Variants in CPA6 observed in about 807,000 individuals in gnomAD.
CPA6 encodes carboxypeptidase B.
A neutral mutation model predicts 63.3 loss-of-function variants in CPA6; 58 were observed. The ratio of observed to expected loss-of-function variants is 0.92; its 90% CI spans 0.74 to 1.14. The LOEUF (loss-of-function observed/expected upper bound fraction) is 1.14. CPA6 is among the 50% of genes most tolerant of loss of function. The pLI is 0.00. For missense variants in CPA6, 565 were observed against 526.6 expected (o/e 1.07, Z -0.71); for synonymous variants, 185 against 179.0 (o/e 1.03, Z -0.27).
chr8:67,668,425 T>C (rs1364360382), intron 1 of CPA6, among the ~76,000 whole-genome samples: 1 of 152,268 alleles, frequency 6.6e-6, no homozygotes, highest in African/African-American at 2.4e-5. Context: ...TAGTGTGAAA[T>C]AGTTACTTCA....
chr8:67,713,954 A>G (rs1817326057), intron 1 of CPA6, among the ~76,000 whole-genome samples: 1 of 152,210 alleles, frequency 6.6e-6, no homozygotes, highest in South Asian at 2.1e-4. Flanking sequence ...GACTGTTAAA[A>G]GCCAGATATA....
intron 6 of CPA6, among the ~76,000 whole-genome samples, chr8:67,487,303 T>C (rs1354049707): frequency 6.6e-6 from 1 of 152,190 alleles, no homozygotes; most frequent in Non-Finnish European, 1.5e-5. Flanking sequence ...ACATGTGGTG[T>C]TTGGCTTTCT....
intron 2 of CPA6, among the ~76,000 whole-genome samples, chr8:67,540,102 C>A (rs9792146): frequency 0.31 from 46,937 of 151,736 alleles, 7,571 homozygotes; most frequent in South Asian, 0.4. Flanking sequence ...GAATTTTCAG[C>A]TTTTTTTGTG....
chr8:67,675,477 C>A (rs1816451005), intron 1 of CPA6, among the ~76,000 whole-genome samples: 1 of 152,142 alleles, frequency 6.6e-6, no homozygotes, highest in South Asian at 2.1e-4. Flanking sequence ...TCATTTCTTA[C>A]CACTCTGGTA....
chr8:67,631,045 C>T (rs77397016), intron 1 of CPA6, among the ~76,000 whole-genome samples: 6,721 of 152,306 alleles, frequency 0.044, 183 homozygotes, highest in South Asian at 0.11. Flanking sequence ...CCAACATGCG[C>T]GGCCCCCTAC....
rs117385669 is a variant in CPA6 at position 67,506,353 on chromosome 8, C to T, written c.636+434G>A. Among the ~76,000 whole-genome samples the T allele has an allele frequency of 9.4e-3, 1,435 of 152,258 alleles. 11 individuals are homozygous for T. Among genetic ancestry groups the T allele is most frequent in the Middle Eastern group, 0.017 (5 of 294 alleles). ...CCTATAGCAGGAGGGCACAAGCAAT[C>T]CCTTGTTCATCTCTTTATTGTTAGA... On this transcript the variant is annotated intron_variant, in intron 6 of 10. Transcript: ENST00000297770.
intron 2 of CPA6, among the ~76,000 whole-genome samples, chr8:67,596,092 C>G (rs1814326797): frequency 1.3e-5 from 2 of 152,184 alleles, no homozygotes. Context: ...GATGCTTTTT[C>G]TCAACAATCT....
rs760234221 is a variant in CPA6 at position 67,422,627 on chromosome 8, G to A, written c.1191C>T (p.Phe397=). 61 of 1,613,856 alleles carry A rather than the reference G, an allele frequency of 3.8e-5. No individual in the cohort carries two copies. Among genetic ancestry groups the A allele is most frequent in the East Asian group, 6.7e-5 (3 of 44,872 alleles). Residue 397 remains phenylalanine, a synonymous_variant, in exon 11 of 11, where the codon TTC becomes TTT. Coordinates refer to ENST00000297770, the MANE Select transcript of CPA6 (RefSeq NM_020361.5). ...CAAAATATCCAGTGTCACGTAGTTC[G>A]AAAGCAAATGCATAAGGTATTCCAT... ...YKNGIPYAFA[F]ELRDTGYFGF... is the part of the protein sequence containing the mutation.
chr8:67,587,942 T>G (rs1813991338), intron 2 of CPA6, among the ~76,000 whole-genome samples: 1 of 152,156 alleles, frequency 6.6e-6, no homozygotes, highest in African/African-American at 2.4e-5. Flanking sequence ...GCATAGCTAG[T>G]GCCATTGGTT....
intron 3 of CPA6, among the ~76,000 whole-genome samples, chr8:67,512,946 G>A (rs1052614458): frequency 6.6e-6 from 1 of 152,104 alleles, no homozygotes; most frequent in Non-Finnish European, 1.5e-5. Flanking sequence ...GTCATACTGG[G>A]TATAGGACAT....
At chr8:67,513,311 A>G (rs1024359193) in intron 3 of CPA6, among the ~76,000 whole-genome samples, 2 of 152,140 alleles carry the variant, frequency 1.3e-5, no homozygotes, top group African/African-American at 4.8e-5. Context: ...CTCCATGTCA[A>G]TTTTCTAACT....
chr8:67,672,619 C>G (rs540612300), intron 1 of CPA6, among the ~76,000 whole-genome samples: 1 of 152,166 alleles, frequency 6.6e-6, no homozygotes, highest in Non-Finnish European at 1.5e-5. Context: ...TCTCATAGAG[C>G]TCGGGCCCAA....
intron 1 of CPA6, among the ~76,000 whole-genome samples, chr8:67,719,760 C>T (rs993160462): frequency 1.3e-5 from 2 of 151,938 alleles, no homozygotes; most frequent in African/African-American, 4.8e-5. Context: ...ACTTAGTAAG[C>T]GACTGAAGTA....
intron 2 of CPA6, chr8:67,569,923 A>T (rs1193139150): frequency 6.3e-6 from 1 of 158,980 alleles, no homozygotes; most frequent in Non-Finnish European, 1.4e-5. Flanking sequence ...AGTAAAGAGG[A>T]AGTTGATGAA....
chr8:67,426,888 C>T (rs1415656277), intron 10 of CPA6, among the ~76,000 whole-genome samples: 1 of 152,130 alleles, frequency 6.6e-6, no homozygotes, highest in Non-Finnish European at 1.5e-5. Context: ...GAAACTGAGG[C>T]CCAGGATTAA....
intron 1 of CPA6, among the ~76,000 whole-genome samples, chr8:67,672,520 G>A (rs779281876): frequency 6.6e-6 from 1 of 152,016 alleles, no homozygotes; most frequent in South Asian, 2.1e-4. Flanking sequence ...CCATCATCGA[G>A]TCCTTTTACT....
chr8:67,490,022 T>C (rs1453352612), intron 6 of CPA6, among the ~76,000 whole-genome samples: 1 of 152,176 alleles, frequency 6.6e-6, no homozygotes, highest in Admixed American at 6.5e-5. Context: ...TATTTGTGAT[T>C]TTTGTAACTT....
At chr8:67,504,130 T>C (rs1041107841) in intron 6 of CPA6, among the ~76,000 whole-genome samples, 1 of 152,210 alleles carries the variant, frequency 6.6e-6, no homozygotes, top group African/African-American at 2.4e-5. Flanking sequence ...GAGCTGACAT[T>C]ACCCTGACAT....
In CPA6 at chr8:67,746,223, G is replaced by A. The variant is rs1353272489; in HGVS notation, c.-94C>T. On this transcript the variant is annotated 5_prime_UTR_variant, in exon 1 of 11. Transcript: ENST00000297770. ...CCTCTACACACCGCACAGGTTCTCCGGGAAGGGGGTGGGCGAGGAAGGTTG... is the reference window on the plus strand; with the variant it reads ...CCTCTACACACCGCACAGGTTCTCCAGGAAGGGGGTGGGCGAGGAAGGTTG... 4 of 788,454 alleles carry A rather than the reference G, an allele frequency of 5.1e-6. No homozygotes were observed. Among genetic ancestry groups the A allele is most frequent in the East Asian group, 2.7e-5 (1 of 36,496 alleles). 48.8% of individuals were successfully genotyped at this position (788,454 alleles called of 1,614,324 possible).
Sources: allele counts gnomAD v4.1 joint callset (sites outside exome capture counted in the v4.1 genomes callset), GRCh38; gene constraint gnomAD v4.1.1; transcripts MANE v1.5; gene names NCBI Gene and HGNC (gene_info 2026-07-23, HGNC 2026-07-21).